Variants in CNNM1 observed in about 807,000 individuals in gnomAD.
The protein encoded by CNNM1 is metal transporter CNNM1.
Under a neutral mutation model 78.8 loss-of-function variants are expected in CNNM1, and 44 were observed. The ratio of observed to expected loss-of-function variants is 0.56; its 90% confidence interval spans 0.44 to 0.72. The LOEUF (loss-of-function observed/expected upper bound fraction) is 0.72, where lower values mean the gene tolerates loss of function less well. Among genes scored for constraint, CNNM1 ranks in the 30% least tolerant of loss-of-function variants. CNNM1 has a pLI of 0.00. For missense variants in CNNM1, 1,101 were observed against 1,292.2 expected (o/e 0.85, Z 2.27); for synonymous variants, 584 against 581.5 (o/e 1.00, Z -0.06).
chr10:99,333,775 T>C (rs925233734), intron 1 of CNNM1, among the ~76,000 whole-genome samples: 4 of 152,234 alleles, frequency 2.6e-5, no homozygotes, highest in Admixed American at 6.5e-5. Context: ...ATATCAACTC[T>C]TATATCCCCA....
chr10:99,336,737 C>A (rs1192100374), intron 1 of CNNM1, among the ~76,000 whole-genome samples: 1 of 152,152 alleles, frequency 6.6e-6, no homozygotes, highest in African/African-American at 2.4e-5. Context: ...GAGGCCGAGA[C>A]AGGTGGATCA....
chr10:99,387,823 A>T lies in CNNM1; in HGVS notation c.2344A>T (p.Thr782Ser), dbSNP rs1463126205. The T allele has an allele frequency of 6.3e-7, 1 of 1,595,602 alleles. No individual in the cohort carries two copies. Among genetic ancestry groups the T allele is most frequent in the Non-Finnish European group, 8.5e-7 (1 of 1,171,166 alleles). The change falls in exon 8 of 11, where the codon ACA (threonine) becomes TCA (serine). Residue 782 changes from threonine (T) to serine (S), a missense_variant. Transcript: ENST00000356713. ...ILSDVQFVKI[T>S]RQQYQNALTA... ...GCTCCTGCCCTCTTCCTTCCAGATCACACGGCAGCAATATCAGAACGCACT... is the reference window on the plus strand; with the variant it reads ...GCTCCTGCCCTCTTCCTTCCAGATCTCACGGCAGCAATATCAGAACGCACT...
In CNNM1 at chr10:99,357,611, A is replaced by G; in HGVS notation, c.1673A>G (p.Glu558Gly). The G allele has an allele frequency of 6.2e-7, 1 of 1,613,596 alleles. No individual in the cohort carries two copies. Among genetic ancestry groups the G allele is most frequent in the Non-Finnish European group, 8.5e-7 (1 of 1,179,698 alleles). ...MGIVTLEDII[E>G]EIIKSEILDE... ...ATTGTCACGCTGGAGGATATCATAG[A>G]GGAGATTATCAAGTCGGAGATCCTG... Residue 558 changes from glutamate (E) to glycine (G), a missense_variant, in exon 2 of 11, where the codon GAG becomes GGG. Around this residue, in one of 3 missense-constraint regions of CNNM1, gnomAD observed 277 missense variants for 423.2 expected, o/e 0.65. Transcript: ENST00000356713.
chr10:99,345,796 C>A (rs574623365), intron 1 of CNNM1, among the ~76,000 whole-genome samples: 1 of 152,232 alleles, frequency 6.6e-6, no homozygotes, highest in East Asian at 1.9e-4. Flanking sequence ...TTGGCTTCAC[C>A]ATTTATTGGC....
intron 1 of CNNM1, among the ~76,000 whole-genome samples, chr10:99,351,072 T>C (rs1189501658): frequency 6.6e-6 from 1 of 152,218 alleles, no homozygotes; most frequent in Non-Finnish European, 1.5e-5. Flanking sequence ...TTCTAAGAAA[T>C]CTGACTTGTA....
At chr10:99,338,048 G>C (rs2030268043) in intron 1 of CNNM1, among the ~76,000 whole-genome samples, 1 of 152,162 alleles carries the variant, frequency 6.6e-6, no homozygotes, top group Non-Finnish European at 1.5e-5. Context: ...TAAAATCTCT[G>C]TTCCCAAAGA....
intron 1 of CNNM1, among the ~76,000 whole-genome samples, chr10:99,351,608 TG>T (rs2030952505): frequency 6.6e-6 from 1 of 152,152 alleles, no homozygotes. Flanking sequence ...AACAGCTCTT[TG>T]TTCTCATATT....
intron 1 of CNNM1, among the ~76,000 whole-genome samples, chr10:99,338,938 C>T (rs531617006): frequency 5.9e-5 from 9 of 152,208 alleles, no homozygotes; most frequent in African/African-American, 1.2e-4. Flanking sequence ...AAAATGGAGC[C>T]GTAGAGATTT....
intron 7 of CNNM1, among the ~76,000 whole-genome samples, chr10:99,379,394 A>T (rs1218360778): frequency 6.6e-6 from 1 of 152,174 alleles, no homozygotes; most frequent in Admixed American, 6.5e-5. Context: ...AGGCAAGGAG[A>T]CTGCTCTTGA....
At chr10:99,374,215 C>T (rs2031896404) in intron 6 of CNNM1, among the ~76,000 whole-genome samples, 1 of 152,144 alleles carries the variant, frequency 6.6e-6, no homozygotes, top group Non-Finnish European at 1.5e-5. Flanking sequence ...CAATTAATTA[C>T]CTTGGTGCTT....
intron 6 of CNNM1, among the ~76,000 whole-genome samples, chr10:99,374,707 C>T (rs907247002): frequency 6.6e-6 from 1 of 152,158 alleles, no homozygotes; most frequent in Non-Finnish European, 1.5e-5. Flanking sequence ...TTGTATCGCC[C>T]TGTGGGACCC....
intron 1 of CNNM1, among the ~76,000 whole-genome samples, chr10:99,338,207 T>C (rs947233361): frequency 2.0e-5 from 3 of 151,940 alleles, no homozygotes; most frequent in African/African-American, 7.3e-5. Context: ...CAGACCTTGG[T>C]ACATAAAGCA....
At chr10:99,358,915 C>G (rs532953793) in intron 2 of CNNM1, among the ~76,000 whole-genome samples, 1 of 145,704 alleles carries the variant, frequency 6.9e-6, no homozygotes, top group South Asian at 2.2e-4. Flanking sequence ...GGGAGGATCA[C>G]TTGAGCCTGG....
chr10:99,367,853 C>T (rs1411923082), intron 6 of CNNM1, among the ~76,000 whole-genome samples: 2 of 117,190 alleles, frequency 1.7e-5, no homozygotes, highest in East Asian at 5.2e-4. Flanking sequence ...GCCCAGACAC[C>T]ACTTGAAGGG....
chr10:99,368,440 C>G lies in CNNM1; in HGVS notation c.2176+3438C>G, dbSNP rs12572133. Reference sequence around the variant, plus strand: ...ATTTTCTTGTCTTTCTGGAGTGTGACTTTGTAAGAGGATGTGATTCCTGTG... The same window carrying G: ...ATTTTCTTGTCTTTCTGGAGTGTGAGTTTGTAAGAGGATGTGATTCCTGTG... On this transcript the variant is annotated intron_variant, in intron 6 of 10. Coordinates refer to ENST00000356713, the MANE Select transcript of CNNM1 (RefSeq NM_020348.3). 867 of 349,886 alleles carry G rather than the reference C, an allele frequency of 2.5e-3. 22 individuals are homozygous for G. The East Asian group carries it at 0.057, about 23-fold the overall frequency. The allele number at this position is 349,886 out of a possible 1,614,324, so 21.7% of individuals were successfully genotyped here.
At chr10:99,336,673 A>G (rs1370234249) in intron 1 of CNNM1, among the ~76,000 whole-genome samples, 1 of 152,260 alleles carries the variant, frequency 6.6e-6, no homozygotes, top group East Asian at 1.9e-4. Context: ...AGTGATTAAG[A>G]ACATAAGATT....
At chr10:99,387,745 C>T (rs190320889) in intron 7 of CNNM1, 75 bp from the exon 8 acceptor site, 55 of 1,448,568 alleles carry the variant, frequency 3.8e-5, no homozygotes, top group African/African-American at 1.3e-4. Context: ...AGGCTGCCCC[C>T]GAGCCTGGGA....
intron 1 of CNNM1, among the ~76,000 whole-genome samples, chr10:99,333,576 C>T (rs1287753220): frequency 6.6e-6 from 1 of 152,170 alleles, no homozygotes; most frequent in East Asian, 1.9e-4. Context: ...AACTCCCGAC[C>T]TCAGGTGATC....
chr10:99,369,548 G>A (rs2031734778), intron 6 of CNNM1, among the ~76,000 whole-genome samples: 1 of 152,094 alleles, frequency 6.6e-6, no homozygotes, highest in South Asian at 2.1e-4. Flanking sequence ...GTCATGTTTT[G>A]AGACTTCAAA....
Sources: gnomAD v4.1 joint callset for allele counts (sites outside exome capture counted in the v4.1 genomes callset) on GRCh38, gnomAD v4.1.1 for gene constraint, gnomAD v4.1.1 regional missense constraint, MANE v1.5 for transcripts, NCBI Gene and HGNC (gene_info 2026-07-23, HGNC 2026-07-21) for gene names.